CAMKMT: variants seen among roughly 807,000 people sequenced by gnomAD.
The protein encoded by CAMKMT is CaM KMT.
CAMKMT carries 53 observed loss-of-function variants against 48.0 expected under a neutral mutation model. The ratio of observed to expected loss-of-function variants is 1.10; its 90% CI spans 0.89 to 1.39. CAMKMT has a LOEUF of 1.39. CAMKMT is among the 40% of genes most tolerant of loss of function. The probability of loss-of-function intolerance (pLI) is 0.00; values close to 1 mark genes in which losing one functional copy is unlikely to be tolerated. For synonymous variants in CAMKMT, 165 were observed against 152.3 expected (o/e 1.08, Z -0.61); for missense variants, 428 against 402.7 (o/e 1.06, Z -0.54).
At chr2:44,418,615 A>G (rs1374832183) in intron 3 of CAMKMT, among the ~76,000 whole-genome samples, 3 of 152,204 alleles carry the variant, frequency 2.0e-5, no homozygotes, top group Non-Finnish European at 4.4e-5. Context: ...TTTTATGCCA[A>G]TGGCACTACA....
chr2:44,702,920 A>C lies in CAMKMT; in HGVS notation c.377-1363A>C, dbSNP rs910176267. ...GAAATGTTTGGATTTCTTAGTCCTC[A>C]AAGTTGGAGGTTCATCTAGGGGAAA... On this transcript the variant is annotated intron_variant, in intron 3 of 10. Coordinates refer to ENST00000378494, the MANE Select transcript of CAMKMT (RefSeq NM_024766.5). 2.0e-5 allele frequency among the ~76,000 whole-genome samples: 3 copies of C among 152,154 alleles called. No individual in the cohort carries two copies. The East Asian group carries it at 5.8e-4, about 29-fold the overall frequency.
In CAMKMT at chr2:44,395,470, C is replaced by T. The variant is rs1463081531; in HGVS notation, c.376+5165C>T. Among the ~76,000 whole-genome samples the T allele has an allele frequency of 3.3e-5, 5 of 152,028 alleles. 1 individual carries two copies. The highest frequency in any genetic ancestry group is 2.0e-4 in the Admixed American group (3 of 15,272). On this transcript the variant is annotated intron_variant, in intron 3 of 10. Coordinates refer to ENST00000378494, the MANE Select transcript of CAMKMT (RefSeq NM_024766.5). ...TTATATACAGATATATACATATACACAGTACAGTGGTTTGATTAAAAAATG... is the reference window on the plus strand; with the variant it reads ...TTATATACAGATATATACATATACATAGTACAGTGGTTTGATTAAAAAATG...
chr2:44,404,851 G>A (rs542023347), intron 3 of CAMKMT, among the ~76,000 whole-genome samples: 1 of 152,036 alleles, frequency 6.6e-6, no homozygotes, highest in Non-Finnish European at 1.5e-5. Context: ...GAAGGAGGAA[G>A]TGAATATTAA....
intron 3 of CAMKMT, among the ~76,000 whole-genome samples, chr2:44,606,159 C>T (rs1168989995): frequency 1.3e-5 from 2 of 152,124 alleles, no homozygotes; most frequent in Non-Finnish European, 2.9e-5. Context: ...CTACTACTTT[C>T]CCCAATCTGG....
At chr2:44,527,292 T>A (rs1039587445) in intron 3 of CAMKMT, among the ~76,000 whole-genome samples, 5 of 143,938 alleles carry the variant, frequency 3.5e-5, no homozygotes, top group Non-Finnish European at 6.0e-5. Flanking sequence ...TATATATATA[T>A]AATATACATA....
chr2:44,493,438 C>T (rs1392006622), intron 3 of CAMKMT, among the ~76,000 whole-genome samples: 1 of 152,198 alleles, frequency 6.6e-6, no homozygotes, highest in Non-Finnish European at 1.5e-5. Flanking sequence ...TTCTCTGTCT[C>T]TCTCAAGTCT....
chr2:44,440,869 A>C (rs957054303), intron 3 of CAMKMT, among the ~76,000 whole-genome samples: 1 of 151,844 alleles, frequency 6.6e-6, no homozygotes. Context: ...ATTATTTTTC[A>C]CAGAATCCCT....
intron 3 of CAMKMT, among the ~76,000 whole-genome samples, chr2:44,518,347 G>A (rs1019586841): frequency 6.6e-6 from 1 of 151,964 alleles, no homozygotes; most frequent in Non-Finnish European, 1.5e-5. Flanking sequence ...ATTGGTTTCT[G>A]TACACCTTCA....
chr2:44,743,593 A>G (rs375511343), intron 7 of CAMKMT, 29 bp from the exon 8 acceptor site: 21 of 1,541,868 alleles, frequency 1.4e-5, no homozygotes, highest in Middle Eastern at 2.0e-4. Flanking sequence ...AACCCTATGT[A>G]TAATTTTTAA....
At chr2:44,727,570 G>A (rs1335440986) in intron 7 of CAMKMT, among the ~76,000 whole-genome samples, 1 of 152,160 alleles carries the variant, frequency 6.6e-6, no homozygotes, top group African/African-American at 2.4e-5. Context: ...AAGAGAGATA[G>A]TTTGACTTTT....
chr2:44,673,520 A>AGGAAGGAG lies in CAMKMT; in HGVS notation c.377-30760_377-30759insAGGAGGGA, dbSNP rs1280980481. Among the ~76,000 whole-genome samples, 438 of 88,020 alleles carry AGGAAGGAG rather than the reference A, an allele frequency of 5.0e-3. 2 individuals are homozygous for AGGAAGGAG. Among genetic ancestry groups the AGGAAGGAG allele is most frequent in the African/African-American group, 0.019 (424 of 22,300 alleles). The allele number at this position is 88,020 out of a possible 152,430, so 57.7% of individuals were successfully genotyped here. ...AAGGAAGGAAGGAAGGAAGGAAGGA[A>AGGAAGGAG]GGAGGGAAGGAAGAAATCTATACAC... On this transcript the variant is annotated intron_variant, in intron 3 of 10. Transcript: ENST00000378494.
intron 3 of CAMKMT, among the ~76,000 whole-genome samples, chr2:44,465,465 G>A (rs116394652): frequency 0.014 from 2,178 of 151,536 alleles, 58 homozygotes; most frequent in African/African-American, 0.05. Context: ...GGGTGGTGGC[G>A]CATGCCTGTA....
intron 3 of CAMKMT, among the ~76,000 whole-genome samples, chr2:44,512,037 G>A (rs1187645763): frequency 6.6e-6 from 1 of 152,162 alleles, no homozygotes; most frequent in Non-Finnish European, 1.5e-5. Context: ...GTGGGTGGAG[G>A]AAGGAGTGCA....
chr2:44,687,068 A>C (rs1676377590), intron 3 of CAMKMT, among the ~76,000 whole-genome samples: 2 of 152,240 alleles, frequency 1.3e-5, no homozygotes, highest in African/African-American at 2.4e-5. Flanking sequence ...CCAATGTATG[A>C]TAATTCTTGG....
chr2:44,416,233 A>C (rs1395514960), intron 3 of CAMKMT, among the ~76,000 whole-genome samples: 1 of 152,208 alleles, frequency 6.6e-6, no homozygotes, highest in Non-Finnish European at 1.5e-5. Flanking sequence ...ACAAGTATAG[A>C]TCATTGAAAA....
chr2:44,712,103 G>A (rs772764706), intron 6 of CAMKMT, among the ~76,000 whole-genome samples: 14 of 151,864 alleles, frequency 9.2e-5, no homozygotes, highest in Admixed American at 2.6e-4. Context: ...ATTCATATGA[G>A]TAATAAGCAC....
chr2:44,766,283 A>G (rs926317538), intron 9 of CAMKMT, 147 bp from the exon 10 acceptor site: 5 of 778,282 alleles, frequency 6.4e-6, no homozygotes, highest in Non-Finnish European at 1.0e-5. Flanking sequence ...AATTATTCTC[A>G]CTGTGAATGT....
At chr2:44,456,537 T>C (rs1307271287) in intron 3 of CAMKMT, 3 of 1,546,770 alleles carry the variant, frequency 1.9e-6, no homozygotes, top group Non-Finnish European at 2.6e-6. Flanking sequence ...CAAGTTTACC[T>C]TTTCTATACA....
intron 3 of CAMKMT, among the ~76,000 whole-genome samples, chr2:44,448,875 A>G (rs748962579): frequency 1.2e-4 from 18 of 152,234 alleles, no homozygotes; most frequent in Non-Finnish European, 2.4e-4. Flanking sequence ...TGTGCTAAGT[A>G]TAAGAATCCA....
Sources: gnomAD v4.1 joint callset for allele counts (sites outside exome capture counted in the v4.1 genomes callset) on GRCh38, gnomAD v4.1.1 for gene constraint, MANE v1.5 for transcripts, NCBI Gene and HGNC (gene_info 2026-07-23, HGNC 2026-07-21) for gene names.